The following MAF variants were observed in gnomAD, a reference collection of about 807,000 sequenced individuals.
The protein encoded by MAF is transcription factor Maf.
Under a neutral mutation model 22.0 loss-of-function variants are expected in MAF, and 10 were observed. The observed-to-expected ratio is 0.45, with a 90% CI of 0.28 to 0.77. The LOEUF is 0.77. Ranked by LOEUF, MAF falls within the 30% of genes least tolerant of loss-of-function variation. MAF has a pLI of 0.12. For missense variants in MAF, 544 were observed against 548.4 expected, an observed-to-expected ratio of 0.99 and a Z score of 0.08; for synonymous variants, 337 against 255.8, an observed-to-expected ratio of 1.32 and a Z score of -3.03.
the MAF span, among the ~76,000 whole-genome samples, chr16:79,575,890 A>G: frequency 6.6e-6 from 1 of 152,172 alleles, no homozygotes; most frequent in African/African-American, 2.4e-5. Context: ...TGGAAGGCTC[A>G]TTCCATCACA....
chr16:79,426,351 G>C, the MAF span, among the ~76,000 whole-genome samples: 4 of 152,006 alleles, frequency 2.6e-5, no homozygotes, highest in African/African-American at 7.3e-5. Context: ...AGCTATATTG[G>C]GTCAAATATA....
the MAF span, among the ~76,000 whole-genome samples, chr16:79,341,523 C>T: frequency 3.3e-5 from 5 of 152,316 alleles, 1 homozygote; most frequent in African/African-American, 1.2e-4. Context: ...GGAATATTTA[C>T]ATTACAGGAA....
the MAF span, among the ~76,000 whole-genome samples, chr16:79,376,017 T>C: frequency 6.6e-6 from 1 of 152,140 alleles, no homozygotes; most frequent in Non-Finnish European, 1.5e-5. Flanking sequence ...TCATTTTATG[T>C]ATCTTGAGAA....
the MAF span, among the ~76,000 whole-genome samples, chr16:79,532,048 G>A: frequency 1.2e-3 from 185 of 152,290 alleles, 1 homozygote; most frequent in African/African-American, 4.3e-3. Context: ...TAACCAATAA[G>A]AATTGTTAGC....
At chr16:79,230,235 AG>A in the MAF span, among the ~76,000 whole-genome samples, 1 of 152,136 alleles carries the variant, frequency 6.6e-6, no homozygotes, top group Non-Finnish European at 1.5e-5. Flanking sequence ...GGTTATGGCA[AG>A]GGAAGCTCTC....
At chr16:79,260,497 C>CTATATCTATATCTA in the MAF span, among the ~76,000 whole-genome samples, 7 of 150,488 alleles carry the variant, frequency 4.7e-5, no homozygotes, top group Non-Finnish European at 1.0e-4. Flanking sequence ...ATATCTATAT[C>CTATATCTATATCTA]TATATCTATA....
the MAF span, among the ~76,000 whole-genome samples, chr16:79,324,120 A>G: frequency 3.2e-4 from 48 of 152,134 alleles, 1 homozygote; most frequent in Non-Finnish European, 6.5e-4. Context: ...CTTTTACATG[A>G]CTTCTGACAA....
At chr16:79,485,480 C>G in the MAF span, among the ~76,000 whole-genome samples, 1 of 152,158 alleles carries the variant, frequency 6.6e-6, no homozygotes, top group Admixed American at 6.5e-5. Context: ...AGGACCAGAG[C>G]TGAGTTTTAT....
At chr16:79,446,364 C>T in the MAF span, among the ~76,000 whole-genome samples, 1 of 152,100 alleles carries the variant, frequency 6.6e-6, no homozygotes, top group Non-Finnish European at 1.5e-5. Flanking sequence ...CCCTGCCTTG[C>T]CTAGCTGGAG....
the MAF span, among the ~76,000 whole-genome samples, chr16:79,525,795 G>A: frequency 6.6e-6 from 1 of 152,088 alleles, no homozygotes; most frequent in Non-Finnish European, 1.5e-5. Context: ...ATTATATTAA[G>A]AGGAAGATGT....
the MAF span, among the ~76,000 whole-genome samples, chr16:79,333,555 C>A: frequency 6.6e-6 from 1 of 152,128 alleles, no homozygotes; most frequent in East Asian, 1.9e-4. Flanking sequence ...CATGATTTTG[C>A]TAGGTGGACA....
the MAF span, among the ~76,000 whole-genome samples, chr16:79,315,301 G>C: frequency 6.6e-6 from 1 of 152,120 alleles, no homozygotes; most frequent in Non-Finnish European, 1.5e-5. Flanking sequence ...CCAGTTAGGG[G>C]ACTATGAAAT....
the MAF span, among the ~76,000 whole-genome samples, chr16:79,495,256 G>A: frequency 6.6e-6 from 1 of 152,102 alleles, no homozygotes; most frequent in Admixed American, 6.5e-5. Flanking sequence ...GAAACCAGCA[G>A]TTGGAGACCA....
chr16:79,234,044 T>G, the MAF span, among the ~76,000 whole-genome samples: 4 of 151,180 alleles, frequency 2.6e-5, no homozygotes, highest in Non-Finnish European at 5.9e-5. Context: ...CAAACACCAA[T>G]TTTTGCTTTC....
At chr16:79,430,710 G>A in the MAF span, among the ~76,000 whole-genome samples, 1 of 152,184 alleles carries the variant, frequency 6.6e-6, no homozygotes, top group Non-Finnish European at 1.5e-5. Context: ...CCTGCAGCTG[G>A]TGCTGATTTG....
the MAF span, among the ~76,000 whole-genome samples, chr16:79,474,413 G>A: frequency 6.6e-6 from 1 of 152,184 alleles, no homozygotes; most frequent in African/African-American, 2.4e-5. Flanking sequence ...AGATGGCTGA[G>A]CAAGTGCCTG....
chr16:79,586,881 A>G (rs1051799095), intron 1 of MAF, among the ~76,000 whole-genome samples: 1 of 152,242 alleles, frequency 6.6e-6, no homozygotes, highest in African/African-American at 2.4e-5. Context: ...TAACGGCGAT[A>G]AACTAGTAAG....
the MAF span, among the ~76,000 whole-genome samples, chr16:79,569,921 TC>T: frequency 1.0e-3 from 159 of 151,918 alleles, no homozygotes; most frequent in African/African-American, 3.6e-3. Flanking sequence ...TCAGCTGGAA[TC>T]CGGGAGGGAT....
At chr16:79,407,304 G>A in the MAF span, among the ~76,000 whole-genome samples, 3 of 152,258 alleles carry the variant, frequency 2.0e-5, no homozygotes, top group African/African-American at 7.2e-5. Context: ...TTCCAAGCAC[G>A]CAGGCCCTAC....
Sources: gnomAD v4.1 joint callset for allele counts (sites outside exome capture counted in the v4.1 genomes callset) on GRCh38, gnomAD v4.1.1 for gene constraint, MANE v1.5 for transcripts, NCBI Gene and HGNC (gene_info 2026-07-23, HGNC 2026-07-21) for gene names.